DDX10: variants seen among roughly 807,000 people sequenced by gnomAD.
DDX10 encodes DEAD-box helicase 10.
A neutral mutation model predicts 104.3 loss-of-function variants in DDX10; 74 were observed. The observed-to-expected ratio is 0.71, with a 90% CI of 0.59 to 0.86. The LOEUF (loss-of-function observed/expected upper bound fraction) is 0.86, where lower values mean the gene tolerates loss of function less well. DDX10 is among the 40% of genes least tolerant of loss of function. DDX10 has a pLI of 0.00. For missense variants in DDX10, 952 were observed against 1,040.0 expected (o/e 0.92, Z 1.16); for synonymous variants, 351 against 353.4 (o/e 0.99, Z 0.08).
At chr11:108,679,067 C>T (rs915247048) in intron 5 of DDX10, among the ~76,000 whole-genome samples, 3 of 151,830 alleles carry the variant, frequency 2.0e-5, no homozygotes, top group African/African-American at 7.3e-5. Context: ...CAATGTTGGC[C>T]AGGATGGTCT....
Position 108,876,652 on chromosome 11 carries a change from T to C in DDX10, c.2304+24443T>C, listed in dbSNP as rs144704488. ...TTTTTTCCTTTGTAAAGTGGAGCTA[T>C]ATTAGTACCTCAACTCTAAATTTAC... is the stretch of plus-strand genomic sequence containing the variant. On this transcript the variant is annotated intron_variant, in intron 16 of 17. Transcript: ENST00000322536. Among the ~76,000 whole-genome samples, 19 of 152,330 alleles carry C rather than the reference T, an allele frequency of 1.2e-4. 1 individual carries two copies. In the East Asian group the frequency reaches 3.7e-3, roughly 29 times the overall value.
intron 10 of DDX10, among the ~76,000 whole-genome samples, chr11:108,710,491 G>A (rs1450664545): frequency 6.6e-6 from 1 of 151,758 alleles, no homozygotes; most frequent in Non-Finnish European, 1.5e-5. Flanking sequence ...CACAGGGTCA[G>A]GATCATTAAT....
intron 13 of DDX10, among the ~76,000 whole-genome samples, chr11:108,774,482 A>G (rs138015702): frequency 6.6e-6 from 1 of 152,314 alleles, no homozygotes; most frequent in African/African-American, 2.4e-5. Context: ...GGGTATACTC[A>G]ATACATTATT....
At chr11:108,869,272 A>G (rs1037698800) in intron 16 of DDX10, among the ~76,000 whole-genome samples, 1 of 151,614 alleles carries the variant, frequency 6.6e-6, no homozygotes, top group Non-Finnish European at 1.5e-5. Context: ...AGGCCAGGGC[A>G]TAAGATTGCC....
At chr11:108,711,450 A>G (rs2094284199) in intron 10 of DDX10, among the ~76,000 whole-genome samples, 2 of 152,182 alleles carry the variant, frequency 1.3e-5, no homozygotes, top group Non-Finnish European at 2.9e-5. Context: ...CTCCTGCCTC[A>G]GCCTCCTGAG....
chr11:108,855,899 C>T (rs766189162), intron 16 of DDX10, among the ~76,000 whole-genome samples: 1 of 152,042 alleles, frequency 6.6e-6, no homozygotes, highest in Non-Finnish European at 1.5e-5. Context: ...GATTATAGTT[C>T]GTATTTTTAA....
chr11:108,934,175 T>C (rs1174163305), intron 17 of DDX10, among the ~76,000 whole-genome samples: 1 of 152,162 alleles, frequency 6.6e-6, no homozygotes, highest in African/African-American at 2.4e-5. Context: ...TGAGGATGGT[T>C]GTAGAAGCCC....
At chr11:108,918,971 A>G (rs1220183191) in intron 17 of DDX10, 1 of 152,252 alleles carries the variant, frequency 6.6e-6, no homozygotes, top group Non-Finnish European at 1.5e-5. Context: ...GTGCTAGCAC[A>G]GGGTGTTTGC....
At chr11:108,872,911 A>G (rs1863102644) in intron 16 of DDX10, among the ~76,000 whole-genome samples, 2 of 144,302 alleles carry the variant, frequency 1.4e-5, no homozygotes, top group Non-Finnish European at 3.0e-5. Context: ...TTCTGCTCTC[A>G]TCTTATAAAG....
chr11:108,931,058 C>G (rs1453517408), intron 17 of DDX10, among the ~76,000 whole-genome samples: 2 of 152,220 alleles, frequency 1.3e-5, no homozygotes, highest in Non-Finnish European at 2.9e-5. Flanking sequence ...AGTATCCCTT[C>G]CTGAGTGTCC....
chr11:108,776,515 T>G (rs1439111942), intron 13 of DDX10, among the ~76,000 whole-genome samples: 2 of 152,202 alleles, frequency 1.3e-5, no homozygotes, highest in African/African-American at 4.8e-5. Flanking sequence ...AGGGAAAAAG[T>G]GGGTACAGTA....
intron 16 of DDX10, among the ~76,000 whole-genome samples, chr11:108,891,730 A>G (rs1201444390): frequency 6.6e-6 from 1 of 152,212 alleles, no homozygotes; most frequent in African/African-American, 2.4e-5. Context: ...TGCTACACGT[A>G]TAAAATTGGC....
intron 4 of DDX10, among the ~76,000 whole-genome samples, chr11:108,677,489 C>G (rs1367075075): frequency 6.6e-6 from 1 of 151,926 alleles, no homozygotes; most frequent in African/African-American, 2.4e-5. Flanking sequence ...CATATTTACT[C>G]TAATCCTGTA....
At chr11:108,678,956 T>C (rs930283036) in intron 5 of DDX10, among the ~76,000 whole-genome samples, 1 of 142,930 alleles carries the variant, frequency 7.0e-6, no homozygotes, top group Non-Finnish European at 1.5e-5. Context: ...GGCTCATGGG[T>C]TCAAGTGATT....
intron 9 of DDX10, among the ~76,000 whole-genome samples, chr11:108,694,670 G>C (rs2094257232): frequency 6.6e-6 from 1 of 152,182 alleles, no homozygotes; most frequent in African/African-American, 2.4e-5. Flanking sequence ...CACGAGGTCA[G>C]GAGTTCAAGA....
At chr11:108,723,567 G>A in intron 13 of DDX10, 105 bp downstream of exon 13, 1 of 1,147,570 alleles carries the variant, frequency 8.7e-7, no homozygotes, top group South Asian at 1.8e-5. Flanking sequence ...AACTTAGACT[G>A]GGTTTCTTTG....
chr11:108,668,210 T>A (rs1043640948), intron 1 of DDX10, among the ~76,000 whole-genome samples: 2 of 152,192 alleles, frequency 1.3e-5, no homozygotes, highest in African/African-American at 4.8e-5. Flanking sequence ...ATTATACAGG[T>A]GAGACAACTT....
At chr11:108,708,211 A>T (rs1311208263) in intron 10 of DDX10, among the ~76,000 whole-genome samples, 6 of 109,888 alleles carry the variant, frequency 5.5e-5, no homozygotes, top group Admixed American at 1.7e-4. Context: ...TTACTGAGTT[A>T]AAAAAAAAAA....
chr11:108,758,096 C>A (rs888411788), intron 13 of DDX10, among the ~76,000 whole-genome samples: 4 of 151,926 alleles, frequency 2.6e-5, no homozygotes, highest in Admixed American at 1.3e-4. Flanking sequence ...ACTAGTCATC[C>A]CCCTGCTCAA....
Sources: gnomAD v4.1 joint callset for allele counts (sites outside exome capture counted in the v4.1 genomes callset) on GRCh38, gnomAD v4.1.1 for gene constraint, MANE v1.5 for transcripts, NCBI Gene and HGNC (gene_info 2026-07-23, HGNC 2026-07-21) for gene names.